The following NSFL1C variants were observed in gnomAD, a reference collection of about 807,000 sequenced individuals.
NSFL1C encodes the protein NSFL1 cofactor.
A neutral mutation model predicts 43.1 loss-of-function variants in NSFL1C; 14 were observed. That is an observed-to-expected ratio of 0.32 (90% confidence interval 0.21 to 0.51). The LOEUF (loss-of-function observed/expected upper bound fraction) is 0.51. Among genes scored for constraint, NSFL1C ranks in the 20% least tolerant of loss-of-function variants. NSFL1C has a pLI of 0.98. For missense variants in NSFL1C, 406 were observed against 472.5 expected, an observed-to-expected ratio of 0.86 and a Z score of 1.30; for synonymous variants, 171 against 183.5, an observed-to-expected ratio of 0.93 and a Z score of 0.55.
At chr20:1,452,368 A>G (rs1662989151) in intron 7 of NSFL1C, 125 bp downstream of exon 7, 2 of 1,285,778 alleles carry the variant, frequency 1.6e-6, no homozygotes, top group East Asian at 2.3e-5. Context: ...CCTCCCATAC[A>G]AATAAAATTT....
intron 5 of NSFL1C, 74 bp from the exon 6 acceptor site, chr20:1,453,214 T>C: frequency 1.2e-6 from 1 of 836,614 alleles, no homozygotes; most frequent in South Asian, 1.4e-5. Context: ...ATTAGCAGGT[T>C]TTTACTATTT....
chr20:1,444,114 A>G (rs914383080), intron 8 of NSFL1C, among the ~76,000 whole-genome samples: 6 of 152,182 alleles, frequency 3.9e-5, no homozygotes, highest in Non-Finnish European at 7.4e-5. Context: ...ATAAACACCA[A>G]CAACCCTACT....
At chr20:1,456,929 G>C (rs1340989910) in intron 3 of NSFL1C, 2 of 152,170 alleles carry the variant, frequency 1.3e-5, no homozygotes, top group African/African-American at 4.8e-5. Context: ...TAAGGACATG[G>C]GGAAACGTCT....
At chr20:1,446,428 GAAA>G (rs1200054566) in intron 7 of NSFL1C, among the ~76,000 whole-genome samples, 1 of 152,154 alleles carries the variant, frequency 6.6e-6, no homozygotes, top group Non-Finnish European at 1.5e-5. Flanking sequence ...AAAGGGCACT[GAAA>G]AGCCAATTAA....
chr20:1,445,834 A>T lies in NSFL1C; in HGVS notation c.786-4T>A. ...ACTCAACACCTGGGGGGCAGTGCTGAGGAGAGAGGATGGCATCAGAACACA... is the reference window on the plus strand; with the variant it reads ...ACTCAACACCTGGGGGGCAGTGCTGTGGAGAGAGGATGGCATCAGAACACA... On this transcript the variant is annotated splice_region_variant and splice_polypyrimidine_tract_variant and intron_variant, in intron 7 of 8. Coordinates refer to ENST00000216879, the MANE Select transcript of NSFL1C (RefSeq NM_016143.5). 6.2e-7 allele frequency: 1 copy of T among 1,613,796 alleles called. No individual in the cohort carries two copies. The highest frequency in any genetic ancestry group is 8.5e-7 in the Non-Finnish European group (1 of 1,179,906).
Position 1,454,951 on chromosome 20 carries a change from T to G in NSFL1C, c.444+16A>C. Reference sequence around the variant, plus strand: ...ATCTCAGTCCTGTGGGCACAGACAATGACCCTTATACTCACTCTCGGTTTA... The same window carrying G: ...ATCTCAGTCCTGTGGGCACAGACAAGGACCCTTATACTCACTCTCGGTTTA... On this transcript the variant is annotated intron_variant, in intron 4 of 8. Coordinates refer to ENST00000216879, the MANE Select transcript of NSFL1C (RefSeq NM_016143.5). 2 of 1,608,122 alleles carry G rather than the reference T, an allele frequency of 1.2e-6. No homozygotes were observed. The highest frequency in any genetic ancestry group is 1.7e-6 in the Non-Finnish European group (2 of 1,176,290).
chr20:1,461,741 T>A (rs1216161356), intron 2 of NSFL1C, among the ~76,000 whole-genome samples: 1 of 152,174 alleles, frequency 6.6e-6, no homozygotes, highest in Non-Finnish European at 1.5e-5. Context: ...TTCAGTGTCC[T>A]CATCTGTAAA....
At position 1,445,802 on chromosome 20, in the gene NSFL1C, A is replaced by G; in HGVS notation, c.814T>C (p.Ser272Pro). ...TCATTTTCTGCCTGTTGGGCTGGAG[A>G]GCTGGTACTCAACACCTGGGGGGCA... ...STAPQVLSTSSPAQQAENEAK... is the reference protein window; with the variant it reads ...STAPQVLSTSPPAQQAENEAK... The change falls in exon 8 of 9, where the codon TCT becomes CCT. Residue 272 changes from serine to proline, a missense_variant. Ser to Pro is a moderately conservative substitution (Grantham distance 74). This residue lies in a region of NSFL1C where 196 missense variants were observed against 228.0 expected (regional missense o/e 0.86). Transcript: ENST00000216879. The G allele has an allele frequency of 6.2e-7, 1 of 1,613,824 alleles. No homozygotes were observed. Among genetic ancestry groups the G allele is most frequent in the Non-Finnish European group, 8.5e-7 (1 of 1,179,950 alleles).
chr20:1,464,934 C>T (rs934294357), intron 1 of NSFL1C, among the ~76,000 whole-genome samples: 3 of 152,148 alleles, frequency 2.0e-5, no homozygotes, highest in Non-Finnish European at 2.9e-5. Flanking sequence ...CACTCTTAAG[C>T]GCTTCCAGTA....
chr20:1,449,727 G>A (rs1232472414), intron 7 of NSFL1C, among the ~76,000 whole-genome samples: 3 of 152,122 alleles, frequency 2.0e-5, no homozygotes, highest in African/African-American at 7.2e-5. Context: ...TCAAGAGCCC[G>A]AATCACCCAA....
In NSFL1C at chr20:1,461,937, T is replaced by C. The variant is rs576753664; in HGVS notation, c.203+2392A>G. Reference sequence around the variant, plus strand: ...CTCCTATAGCAATGGTTAACATTTTTATGTCTGTCAGCCCTTTGAGAATCT... The same window carrying C: ...CTCCTATAGCAATGGTTAACATTTTCATGTCTGTCAGCCCTTTGAGAATCT... On this transcript the variant is annotated intron_variant, in intron 2 of 8. Coordinates refer to ENST00000216879, the MANE Select transcript of NSFL1C (RefSeq NM_016143.5). Among the ~76,000 whole-genome samples, 6 of 152,366 alleles carry C rather than the reference T, an allele frequency of 3.9e-5. No homozygotes were observed. The South Asian group carries it at 1.0e-3, about 26-fold the overall frequency.
intron 3 of NSFL1C, 58 bp downstream of exon 3, chr20:1,458,142 A>T: frequency 7.5e-7 from 1 of 1,340,074 alleles, no homozygotes; most frequent in Non-Finnish European, 1.1e-6. Flanking sequence ...TAGGTGATTT[A>T]CACATTACCC....
intron 5 of NSFL1C, among the ~76,000 whole-genome samples, chr20:1,453,801 G>A (rs1430436964): frequency 6.6e-6 from 1 of 151,934 alleles, no homozygotes; most frequent in African/African-American, 2.4e-5. Flanking sequence ...GAGACCCTAT[G>A]CACAGGGCTA....
chr20:1,458,112 A>G, intron 3 of NSFL1C, 88 bp downstream of exon 3: 1 of 1,057,094 alleles, frequency 9.5e-7, no homozygotes, highest in Non-Finnish European at 1.5e-6. Flanking sequence ...ATAACCAAAC[A>G]TGTTTACCAG....
intron 7 of NSFL1C, among the ~76,000 whole-genome samples, chr20:1,452,185 G>C (rs550844709): frequency 6.2e-4 from 95 of 152,284 alleles, no homozygotes; most frequent in Admixed American, 1.0e-3. Context: ...TGTTCTACAT[G>C]CATCAGCTCA....
chr20:1,466,465 A>C (rs1425888088), intron 1 of NSFL1C, among the ~76,000 whole-genome samples: 2 of 152,192 alleles, frequency 1.3e-5, no homozygotes, highest in African/African-American at 4.8e-5. Context: ...GCAGCGCCCG[A>C]AGTCTCGCTG....
chr20:1,453,990 T>A (rs2090240816), intron 5 of NSFL1C, among the ~76,000 whole-genome samples: 1 of 152,094 alleles, frequency 6.6e-6, no homozygotes, highest in African/African-American at 2.4e-5. Context: ...CATTTGCCCA[T>A]CCCCTTTCCC....
intron 2 of NSFL1C, among the ~76,000 whole-genome samples, chr20:1,458,950 A>G (rs1450478350): frequency 6.6e-6 from 1 of 152,246 alleles, no homozygotes; most frequent in Non-Finnish European, 1.5e-5. Flanking sequence ...TGGGATGGGC[A>G]CAACTAAAAA....
intron 2 of NSFL1C, among the ~76,000 whole-genome samples, chr20:1,462,327 A>T (rs751255737): frequency 6.6e-6 from 1 of 152,118 alleles, no homozygotes; most frequent in Non-Finnish European, 1.5e-5. Flanking sequence ...TTCCTCCTCA[A>T]CAAGGACAAA....
Sources: allele counts gnomAD v4.1 joint callset (sites outside exome capture counted in the v4.1 genomes callset), GRCh38; gene constraint gnomAD v4.1.1; regional missense constraint gnomAD v4.1.1; transcripts MANE v1.5; gene names NCBI Gene and HGNC (gene_info 2026-07-23, HGNC 2026-07-21).